The following ERCC6 variants were observed in gnomAD, a reference collection of about 807,000 sequenced individuals.
ERCC6 encodes ERCC excision repair 6, chromatin remodeling factor.
Under a neutral mutation model 158.7 loss-of-function variants are expected in ERCC6, and 116 were observed. The ratio of observed to expected loss-of-function variants is 0.73; its 90% CI spans 0.63 to 0.85. The LOEUF (loss-of-function observed/expected upper bound fraction) is 0.85, where lower values mean the gene tolerates loss of function less well. ERCC6 is among the 40% of genes least tolerant of loss of function. ERCC6 has a pLI of 0.00. For synonymous variants in ERCC6, 678 were observed against 659.3 expected, an observed-to-expected ratio of 1.03 and a Z score of -0.43; for missense variants, 1,698 against 1,799.4, an observed-to-expected ratio of 0.94 and a Z score of 1.02.
intron 10 of ERCC6, among the ~76,000 whole-genome samples, chr10:49,481,182 G>A (rs779968358): frequency 2.6e-5 from 4 of 152,230 alleles, no homozygotes; most frequent in Non-Finnish European, 4.4e-5. Flanking sequence ...GTGGGAGAGG[G>A]AGGGGAGGAA....
At chr10:49,437,685 T>C in the ERCC6 span, among the ~76,000 whole-genome samples, 1 of 152,190 alleles carries the variant, frequency 6.6e-6, no homozygotes, top group Admixed American at 6.5e-5. Flanking sequence ...AATTCTGGCT[T>C]ATCTGGTTCT....
intron 7 of ERCC6, among the ~76,000 whole-genome samples, chr10:49,498,077 T>C (rs181153073): frequency 6.6e-6 from 1 of 152,332 alleles, no homozygotes; most frequent in Non-Finnish European, 1.5e-5. Flanking sequence ...GGTGTATCCA[T>C]TATGAAGGGG....
the ERCC6 span, among the ~76,000 whole-genome samples, chr10:49,441,780 G>A: frequency 6.6e-6 from 1 of 152,238 alleles, no homozygotes; most frequent in Non-Finnish European, 1.5e-5. Flanking sequence ...GGTGTCACAG[G>A]TAGTTACACC....
chr10:49,534,904 C>T (rs1837562108), intron 1 of ERCC6, among the ~76,000 whole-genome samples: 1 of 152,144 alleles, frequency 6.6e-6, no homozygotes, highest in Admixed American at 6.5e-5. Context: ...TCATCTACAC[C>T]CGAGTGGCTA....
chr10:49,476,913 C>G (rs1327292155), intron 11 of ERCC6, among the ~76,000 whole-genome samples: 1 of 152,164 alleles, frequency 6.6e-6, no homozygotes, highest in African/African-American at 2.4e-5. Flanking sequence ...TACCTGGACC[C>G]CTTTCAACCC....
chr10:49,443,878 C>T, the ERCC6 span, among the ~76,000 whole-genome samples: 1 of 152,148 alleles, frequency 6.6e-6, no homozygotes. Flanking sequence ...GATAAAAGTG[C>T]CTATGACATG....
rs997445159 is a variant in ERCC6 at position 49,467,653 on chromosome 10, C to T, written c.3778+2529G>A. On this transcript the variant is annotated intron_variant, in intron 18 of 20. Transcript: ENST00000355832. ...TGATCACAGCTCACCACAGCCTCAACCTCCCAGGCTCGAGCAATCCTCCCA... is the reference window on the plus strand; with the variant it reads ...TGATCACAGCTCACCACAGCCTCAATCTCCCAGGCTCGAGCAATCCTCCCA... 2.0e-5 allele frequency among the ~76,000 whole-genome samples: 3 copies of T among 152,068 alleles called. No individual in the cohort carries two copies. In the East Asian group the frequency reaches 5.8e-4, roughly 29 times the overall value.
chr10:49,443,230 AAATT>A, the ERCC6 span, among the ~76,000 whole-genome samples: 1 of 152,258 alleles, frequency 6.6e-6, no homozygotes, highest in African/African-American at 2.4e-5. Flanking sequence ...TTACTTTCAT[AAATT>A]AAGTGTTTAT....
chr10:49,468,344 C>T (rs915592541), intron 18 of ERCC6, among the ~76,000 whole-genome samples: 31 of 152,168 alleles, frequency 2.0e-4, no homozygotes, highest in African/African-American at 7.2e-4. Context: ...GCCTGGACTC[C>T]CATCTGGGTT....
intron 18 of ERCC6, among the ~76,000 whole-genome samples, chr10:49,465,534 A>T (rs895707441): frequency 1.3e-5 from 2 of 152,138 alleles, no homozygotes; most frequent in Non-Finnish European, 2.9e-5. Context: ...CCAGAGGTGG[A>T]AAGATATGGT....
At chr10:49,454,368 G>C (rs1850453778), downstream of ERCC6, among the ~76,000 whole-genome samples, 1 of 152,228 alleles carries the variant, frequency 6.6e-6, no homozygotes, top group African/African-American at 2.4e-5. Context: ...ACAGGGAGCT[G>C]AGGGAGACGG....
At chr10:49,437,192 T>G in the ERCC6 span, among the ~76,000 whole-genome samples, 1 of 152,192 alleles carries the variant, frequency 6.6e-6, no homozygotes, top group African/African-American at 2.4e-5. Flanking sequence ...GTTCTTCCCT[T>G]GCCTTCCGCC....
At chr10:49,496,928 T>C (rs552686309) in intron 7 of ERCC6, among the ~76,000 whole-genome samples, 6 of 152,334 alleles carry the variant, frequency 3.9e-5, no homozygotes, top group African/African-American at 1.4e-4. Flanking sequence ...TGTAGTTCTA[T>C]AGAAAAACAA....
chr10:49,533,211 G>A (rs1047399087), intron 1 of ERCC6, among the ~76,000 whole-genome samples: 9 of 152,142 alleles, frequency 5.9e-5, no homozygotes, highest in African/African-American at 2.2e-4. Flanking sequence ...CATCAACAAA[G>A]GACATTTAGG....
chr10:49,454,802 A>C lies in ERCC6; in HGVS notation c.*4013T>G, dbSNP rs1342976840. Among the ~76,000 whole-genome samples, 1 of 152,240 alleles carries C rather than the reference A, an allele frequency of 6.6e-6. No homozygotes were observed. Among genetic ancestry groups the C allele is most frequent in the Non-Finnish European group, 1.5e-5 (1 of 68,032 alleles). On this transcript the variant is annotated 3_prime_UTR_variant, in exon 21 of 21. Coordinates refer to ENST00000355832, the MANE Select transcript of ERCC6 (RefSeq NM_000124.4). The stretch of plus-strand genomic sequence containing the variant: ...TTGTGATAATCAATTATGATACCAC[A>C]ATGATAAAAACAGTGGGTTACTAAG...
At chr10:49,478,528 C>A in intron 10 of ERCC6, 58 bp from the exon 11 acceptor site, 3 of 996,376 alleles carry the variant, frequency 3.0e-6, no homozygotes, top group Non-Finnish European at 4.8e-6. Context: ...CGCATTTGTT[C>A]TTACCTCTCA....
chr10:49,472,711 G>T, intron 15 of ERCC6, 198 bp downstream of exon 15: 1 of 744,212 alleles, frequency 1.3e-6, no homozygotes, highest in Non-Finnish European at 2.2e-6. Context: ...AGGAATGAAT[G>T]CTATGGATAA....
the ERCC6 span, among the ~76,000 whole-genome samples, chr10:49,445,151 C>A: frequency 6.6e-6 from 1 of 152,160 alleles, no homozygotes; most frequent in Non-Finnish European, 1.5e-5. Flanking sequence ...TAATTTGTTT[C>A]TAATGAAAAC....
At chr10:49,479,701 C>G (rs888439388) in intron 10 of ERCC6, among the ~76,000 whole-genome samples, 2 of 152,196 alleles carry the variant, frequency 1.3e-5, no homozygotes, top group African/African-American at 4.8e-5. Flanking sequence ...ACCCACACCC[C>G]CTTCCGCAGA....
Sources: gnomAD v4.1 joint callset for allele counts (sites outside exome capture counted in the v4.1 genomes callset) on GRCh38, gnomAD v4.1.1 for gene constraint, MANE v1.5 for transcripts, NCBI Gene and HGNC (gene_info 2026-07-23, HGNC 2026-07-21) for gene names.